SLC25A26: variants seen among roughly 807,000 people sequenced by gnomAD.
SLC25A26 encodes solute carrier family 25 member 26.
In SLC25A26, 36 loss-of-function variants were observed where a neutral mutation model predicts 37.8. The ratio of observed to expected loss-of-function variants is 0.95; its 90% CI spans 0.73 to 1.26. SLC25A26 has a LOEUF of 1.26. Among genes scored for constraint, SLC25A26 ranks in the 50% most tolerant of loss-of-function variants. The pLI, the probability that SLC25A26 is intolerant of heterozygous loss-of-function variation, is 0.00. For synonymous variants in SLC25A26, 129 were observed against 122.5 expected (o/e 1.05, Z -0.35); for missense variants, 390 against 331.1 (o/e 1.18, Z -1.38).
intron 1 of SLC25A26, among the ~76,000 whole-genome samples, chr3:66,224,875 C>T (rs1385276973): frequency 2.6e-5 from 4 of 152,222 alleles, no homozygotes; most frequent in Non-Finnish European, 4.4e-5. Context: ...AGGCCCCATG[C>T]AAGTCTGAAA....
intron 1 of SLC25A26, among the ~76,000 whole-genome samples, chr3:66,158,198 T>G (rs2070310269): frequency 6.6e-6 from 1 of 152,238 alleles, no homozygotes; most frequent in African/African-American, 2.4e-5. Context: ...GGCTTCAATA[T>G]TGTTTGATGC....
At chr3:66,298,806 C>T (rs1387599064) in intron 5 of SLC25A26, among the ~76,000 whole-genome samples, 1 of 152,154 alleles carries the variant, frequency 6.6e-6, no homozygotes, top group Non-Finnish European at 1.5e-5. Context: ...TACAGGATGA[C>T]GTTGCTATTT....
chr3:66,184,693 C>T (rs1250555519), intron 1 of SLC25A26, among the ~76,000 whole-genome samples: 1 of 55,542 alleles, frequency 1.8e-5, no homozygotes, highest in African/African-American at 9.3e-5. Context: ...CTCATCTGGC[C>T]CTCCCTCTTG....
chr3:66,324,185 T>C (rs2075774833), intron 5 of SLC25A26: 1 of 55,520 alleles, frequency 1.8e-5, no homozygotes, highest in African/African-American at 1.1e-4. Flanking sequence ...AAAGTGTGTG[T>C]GTGTGTGTGT....
intron 1 of SLC25A26, among the ~76,000 whole-genome samples, chr3:66,162,606 T>C (rs1210654020): frequency 1.3e-5 from 2 of 152,086 alleles, no homozygotes; most frequent in Non-Finnish European, 2.9e-5. Flanking sequence ...ATCATGGAGG[T>C]CTTTGTCATC....
chr3:66,223,126 A>T (rs141235416), intron 1 of SLC25A26, among the ~76,000 whole-genome samples: 1 of 152,242 alleles, frequency 6.6e-6, no homozygotes, highest in South Asian at 2.1e-4. Flanking sequence ...AACAGTTGCA[A>T]TGAATAAGTG....
At chr3:66,278,891 A>G (rs1217384059) in intron 5 of SLC25A26, among the ~76,000 whole-genome samples, 1 of 152,110 alleles carries the variant, frequency 6.6e-6, no homozygotes, top group African/African-American at 2.4e-5. Context: ...CTTCTTTCAT[A>G]GCTCTTCTGT....
chr3:66,227,749 T>C (rs2071824507), intron 1 of SLC25A26, among the ~76,000 whole-genome samples: 1 of 152,192 alleles, frequency 6.6e-6, no homozygotes. Flanking sequence ...TTGGGTGTCT[T>C]CTCACTGGAC....
intron 9 of SLC25A26, among the ~76,000 whole-genome samples, chr3:66,374,337 GTGA>G (rs368612529): frequency 2.2e-4 from 33 of 152,218 alleles, no homozygotes; most frequent in African/African-American, 7.7e-4. Context: ...ATCTGCTGTG[GTGA>G]TCTGTGATCA....
intron 1 of SLC25A26, among the ~76,000 whole-genome samples, chr3:66,168,177 G>A (rs369878298): frequency 3.2e-3 from 254 of 79,034 alleles, no homozygotes; most frequent in South Asian, 6.8e-3. Context: ...ATATATATAT[G>A]TGTGTGTGTA....
intron 5 of SLC25A26, among the ~76,000 whole-genome samples, chr3:66,288,509 A>C (rs983002626): frequency 6.6e-6 from 1 of 151,890 alleles, no homozygotes; most frequent in Non-Finnish European, 1.5e-5. Context: ...CCAGTGTGTG[A>C]TGTTCCCCTC....
At chr3:66,304,050 T>A (rs2075148442) in intron 5 of SLC25A26, among the ~76,000 whole-genome samples, 1 of 152,204 alleles carries the variant, frequency 6.6e-6, no homozygotes. Context: ...TCTCTCACAC[T>A]TCAGATCTTG....
At chr3:66,158,490 A>G (rs190959261) in intron 1 of SLC25A26, among the ~76,000 whole-genome samples, 24 of 152,304 alleles carry the variant, frequency 1.6e-4, no homozygotes, top group African/African-American at 5.3e-4. Context: ...TTGCTGGGTC[A>G]TACATTAACT....
chr3:66,372,515 G>A (rs1445472330), intron 9 of SLC25A26, among the ~76,000 whole-genome samples: 1 of 152,190 alleles, frequency 6.6e-6, no homozygotes, highest in African/African-American at 2.4e-5. Flanking sequence ...GTCTTCCTCA[G>A]GTCAAGGGCC....
chr3:66,162,516 C>A (rs2070374317), intron 1 of SLC25A26, among the ~76,000 whole-genome samples: 1 of 151,948 alleles, frequency 6.6e-6, no homozygotes, highest in Admixed American at 6.6e-5. Flanking sequence ...CAGCAAACTG[C>A]AAGTATTTTG....
In SLC25A26 at chr3:66,263,357, A is replaced by G. The variant is rs199592553; in HGVS notation, c.431A>G (p.Tyr144Cys). 914 of 1,611,992 alleles carry G rather than the reference A, an allele frequency of 5.7e-4. No individual in the cohort carries two copies. Among genetic ancestry groups the G allele is most frequent in the Non-Finnish European group, 7.1e-4 (836 of 1,178,710 alleles). ...EEGIQGLYRG[Y>C]KSTVLREIPF... is the part of the protein sequence containing the mutation. Reference sequence around the variant, plus strand: ...GGTATCCAAGGGTTGTATCGAGGCTATAAAAGCACAGTTTTAAGAGAGGTA... The same window carrying G: ...GGTATCCAAGGGTTGTATCGAGGCTGTAAAAGCACAGTTTTAAGAGAGGTA... The change falls in exon 5 of 10, where the codon TAT becomes TGT. Residue 144 changes from tyrosine (Y) to cysteine (C), a missense_variant. Tyr to Cys is a radical substitution (Grantham distance 194, BLOSUM62 -2). Transcript: ENST00000354883.
chr3:66,243,468 T>C (rs1576696197), intron 3 of SLC25A26, among the ~76,000 whole-genome samples, 156 bp downstream of exon 3: 1 of 152,204 alleles, frequency 6.6e-6, no homozygotes, highest in African/African-American at 2.4e-5. Context: ...AGTTCGAAGA[T>C]AGAGCCTGAC....
chr3:66,230,456 G>T (rs569914705), intron 1 of SLC25A26, among the ~76,000 whole-genome samples: 19 of 152,168 alleles, frequency 1.2e-4, no homozygotes, highest in Admixed American at 1.1e-3. Context: ...TGTATGTAGG[G>T]GGGTGGAGGC....
chr3:66,174,775 G>T (rs1184392735), intron 1 of SLC25A26, among the ~76,000 whole-genome samples: 1 of 145,328 alleles, frequency 6.9e-6, no homozygotes, highest in Non-Finnish European at 1.5e-5. Flanking sequence ...TACAAAGCAA[G>T]ACTCCGAGAC....
Sources: gnomAD v4.1 joint callset for allele counts (sites outside exome capture counted in the v4.1 genomes callset) on GRCh38, gnomAD v4.1.1 for gene constraint, MANE v1.5 for transcripts, NCBI Gene and HGNC (gene_info 2026-07-23, HGNC 2026-07-21) for gene names.